DSCAML1: variants seen among roughly 807,000 people sequenced by gnomAD.
DSCAML1 encodes the protein DS cell adhesion molecule like 1.
Under a neutral mutation model 200.5 loss-of-function variants are expected in DSCAML1, and 38 were observed. That is an observed-to-expected ratio of 0.19 (90% CI 0.15 to 0.25). The LOEUF (loss-of-function observed/expected upper bound fraction) is 0.25. Among genes scored for constraint, DSCAML1 ranks in the 10% least tolerant of loss-of-function variants. The pLI is 1.00. For missense variants in DSCAML1, 2,223 were observed against 2,858.8 expected (o/e 0.78, Z 5.07); for synonymous variants, 1,215 against 1,165.0 (o/e 1.04, Z -0.87).
chr11:117,694,376 A>T (rs2053550710), intron 3 of DSCAML1, among the ~76,000 whole-genome samples: 1 of 151,752 alleles, frequency 6.6e-6, no homozygotes, highest in Non-Finnish European at 1.5e-5. Context: ...ACTCCACTCT[A>T]GCCTGGGCAA....
Position 117,648,074 on chromosome 11 carries a change from C to T in DSCAML1, c.512-115552G>A, listed in dbSNP as rs563539904. On this transcript the variant is annotated intron_variant, in intron 3 of 32. Transcript: ENST00000651296. ...TGCATGGGGGCTCTGCCCAGCCACA[C>T]CCACAAGTGACCAGCACCGCCCTCT... Among the ~76,000 whole-genome samples the T allele has an allele frequency of 1.8e-4, 28 of 152,340 alleles. No individual in the cohort carries two copies. In the South Asian group the frequency reaches 3.7e-3, roughly 20 times the overall value.
chr11:117,549,461 A>G (rs1236286125), intron 3 of DSCAML1, among the ~76,000 whole-genome samples: 1 of 152,234 alleles, frequency 6.6e-6, no homozygotes, highest in Non-Finnish European at 1.5e-5. Context: ...CTGAAGTCAG[A>G]TAGACTTCCG....
intron 3 of DSCAML1, among the ~76,000 whole-genome samples, chr11:117,716,943 C>A (rs1271759250): frequency 6.6e-6 from 1 of 152,124 alleles, no homozygotes; most frequent in East Asian, 1.9e-4. Flanking sequence ...TACAGAAAGT[C>A]TGGCGACCCT....
intron 3 of DSCAML1, among the ~76,000 whole-genome samples, chr11:117,690,988 C>T (rs2137719221): frequency 6.6e-6 from 1 of 152,282 alleles, no homozygotes; most frequent in African/African-American, 2.4e-5. Flanking sequence ...CCCTAGGGCT[C>T]CCGTGACACA....
In DSCAML1 at chr11:117,789,417, G is replaced by A. The variant is rs552015854; in HGVS notation, c.46+7617C>T. 2.0e-5 allele frequency among the ~76,000 whole-genome samples: 3 copies of A among 152,284 alleles called. 1 individual carries two copies. The highest frequency in any genetic ancestry group is 4.1e-4 in the South Asian group (2 of 4,826). On this transcript the variant is annotated intron_variant, in intron 1 of 32. Transcript: ENST00000651296. ...TCCTAGATTTAGATTGTTAATGCTT[G>A]AGGGACTTAAGAGATTATTTTTTCC...
intron 3 of DSCAML1, among the ~76,000 whole-genome samples, chr11:117,582,763 C>T (rs989033325): frequency 6.6e-6 from 1 of 152,128 alleles, no homozygotes; most frequent in Non-Finnish European, 1.5e-5. Context: ...CCCCAGTCCA[C>T]GGGCTGTGGT....
At chr11:117,630,665 A>C (rs2052153553) in intron 3 of DSCAML1, among the ~76,000 whole-genome samples, 1 of 149,468 alleles carries the variant, frequency 6.7e-6, no homozygotes, top group African/African-American at 2.5e-5. Context: ...GGCCAAAAAA[A>C]AAAAAAAAAA....
chr11:117,533,439 T>C (rs2050116212), intron 3 of DSCAML1, among the ~76,000 whole-genome samples: 1 of 152,156 alleles, frequency 6.6e-6, no homozygotes, highest in South Asian at 2.1e-4. Context: ...TTCTCTCAAT[T>C]TAAATCCTTT....
chr11:117,807,720 CCATG>C (rs776817106), intron 1 of DSCAML1, among the ~76,000 whole-genome samples: 6 of 152,148 alleles, frequency 3.9e-5, no homozygotes, highest in Non-Finnish European at 8.8e-5. Flanking sequence ...GGGGGCTCCT[CCATG>C]GAGATTATCT....
intron 3 of DSCAML1, among the ~76,000 whole-genome samples, chr11:117,761,674 C>A (rs1056516682): frequency 6.6e-5 from 10 of 152,242 alleles, no homozygotes; most frequent in Non-Finnish European, 1.3e-4. Flanking sequence ...AGTTCAAGAC[C>A]AGCCTGGGCA....
chr11:117,556,760 G>A (rs1307135602), intron 3 of DSCAML1, among the ~76,000 whole-genome samples: 2 of 152,196 alleles, frequency 1.3e-5, no homozygotes, highest in Admixed American at 6.5e-5. Flanking sequence ...AGGGTCAAAG[G>A]CCCAGAGAAG....
intron 1 of DSCAML1, among the ~76,000 whole-genome samples, chr11:117,807,408 T>G (rs971274297): frequency 6.6e-6 from 1 of 152,124 alleles, no homozygotes; most frequent in Non-Finnish European, 1.5e-5. Flanking sequence ...GTGGGAGATC[T>G]CCTCTGCCTG....
chr11:117,604,130 G>A (rs61697909), intron 3 of DSCAML1, among the ~76,000 whole-genome samples: 7,331 of 152,200 alleles, frequency 0.048, 245 homozygotes, highest in Middle Eastern at 0.14. Context: ...GCTCATTACC[G>A]ACAATGCAGG....
intron 3 of DSCAML1, among the ~76,000 whole-genome samples, chr11:117,628,046 G>T (rs1020132855): frequency 6.6e-6 from 1 of 152,126 alleles, no homozygotes; most frequent in Non-Finnish European, 1.5e-5. Context: ...GTTGCATAAA[G>T]CCCTTTCATC....
At chr11:117,636,392 C>A (rs1453688740) in intron 3 of DSCAML1, among the ~76,000 whole-genome samples, 1 of 152,132 alleles carries the variant, frequency 6.6e-6, no homozygotes, top group Non-Finnish European at 1.5e-5. Flanking sequence ...AACCCAACAC[C>A]TGGGACCCAG....
rs755791110 is a variant in DSCAML1 at position 117,469,698 on chromosome 11, G to C, written c.3024+212C>G. The stretch of plus-strand genomic sequence containing the variant: ...GGCAGAGCCTCCATCAGAGAACCAG[G>C]GAGGAGAGGGAAGTGGGGATTATTG... On this transcript the variant is annotated intron_variant, in intron 16 of 32. Transcript: ENST00000651296. The surrounding 1 kb of genome is among the most constrained non-coding windows in gnomAD (Gnocchi z 4.1). Among the ~76,000 whole-genome samples the C allele has an allele frequency of 2.1e-4, 32 of 152,110 alleles. No individual in the cohort carries two copies. The highest frequency in any genetic ancestry group is 3.5e-4 in the Non-Finnish European group (24 of 68,016).
intron 3 of DSCAML1, among the ~76,000 whole-genome samples, chr11:117,577,217 A>G (rs899767122): frequency 1.1e-4 from 16 of 152,210 alleles, no homozygotes; most frequent in Non-Finnish European, 2.2e-4. Context: ...TCCATGGCCT[A>G]GCTGTACCAG....
chr11:117,509,054 AAC>A (rs1233395833), intron 8 of DSCAML1, among the ~76,000 whole-genome samples: 2 of 152,096 alleles, frequency 1.3e-5, no homozygotes, highest in Non-Finnish European at 2.9e-5. Flanking sequence ...GGAAAGTAGA[AAC>A]ACACTTCAGC....
rs1199122001 is a variant in DSCAML1 at position 117,532,398 on chromosome 11, A to G, written c.636T>C (p.Asn212=). The change falls in exon 4 of 33, where the codon AAT becomes AAC. Residue 212 remains asparagine, a synonymous_variant. Coordinates refer to ENST00000651296, the MANE Select transcript of DSCAML1 (RefSeq NM_020693.4). ...TACCTGTCACAGAGAGGCGTGCCCC[A>G]TTGCTCTGCCGGGTCTCCCCGCTAT... ...HKYSGETRQS[N]GARLSVTDPA... The G allele has an allele frequency of 6.2e-7, 1 of 1,613,816 alleles. No individual in the cohort carries two copies. The highest frequency in any genetic ancestry group is 2.2e-5 in the East Asian group (1 of 44,882).
Sources: gnomAD v4.1 joint callset for allele counts (sites outside exome capture counted in the v4.1 genomes callset) on GRCh38, gnomAD v4.1.1 for gene constraint, Gnocchi (gnomAD v3.1) non-coding constraint, MANE v1.5 for transcripts, NCBI Gene and HGNC (gene_info 2026-07-23, HGNC 2026-07-21) for gene names.